The following SLCO1B1 variants were observed in gnomAD, a reference collection of about 807,000 sequenced individuals.
SLCO1B1 encodes solute carrier organic anion transporter family member 1B1, also known as OATP-2.
In SLCO1B1, 81 loss-of-function variants were observed where a neutral mutation model predicts 70.1. The observed-to-expected ratio is 1.16, with a 90% CI of 0.97 to 1.39. SLCO1B1 has a LOEUF of 1.39. Ranked by LOEUF, SLCO1B1 falls within the 40% of genes most tolerant of loss-of-function variation. The probability of loss-of-function intolerance (pLI) is 0.00; values close to 1 mark genes in which losing one functional copy is unlikely to be tolerated. For synonymous variants in SLCO1B1, 283 were observed against 271.5 expected, an observed-to-expected ratio of 1.04 and a Z score of -0.42; for missense variants, 895 against 799.6, an observed-to-expected ratio of 1.12 and a Z score of -1.44.
At chr12:21,143,647 G>T (rs1591797057) in intron 2 of SLCO1B1, among the ~76,000 whole-genome samples, 1 of 151,956 alleles carries the variant, frequency 6.6e-6, no homozygotes, top group Admixed American at 6.6e-5. Flanking sequence ...TTGGTAATTG[G>T]TACACTGAAG....
At chr12:21,217,433 C>A (rs955837460) in intron 12 of SLCO1B1, 130 bp downstream of exon 12, 16 of 797,172 alleles carry the variant, frequency 2.0e-5, no homozygotes, top group African/African-American at 3.5e-5. Context: ...TCTGAGAATT[C>A]ATTTTATTAA....
At chr12:21,156,385 A>G (rs995232778) in intron 2 of SLCO1B1, among the ~76,000 whole-genome samples, 1 of 152,196 alleles carries the variant, frequency 6.6e-6, no homozygotes, top group Non-Finnish European at 1.5e-5. Context: ...ATCTAATGAT[A>G]TAGGCAACTG....
intron 2 of SLCO1B1, among the ~76,000 whole-genome samples, chr12:21,147,595 C>T (rs1940406347): frequency 6.6e-6 from 1 of 152,140 alleles, no homozygotes; most frequent in South Asian, 2.1e-4. Flanking sequence ...ATCCATGTCC[C>T]TGCAAAGGAC....
intron 14 of SLCO1B1, among the ~76,000 whole-genome samples, chr12:21,236,442 G>A (rs150030142): frequency 6.6e-6 from 1 of 152,280 alleles, no homozygotes; most frequent in African/African-American, 2.4e-5. Context: ...CAACAGTATG[G>A]CACATCTTTC....
intron 14 of SLCO1B1, among the ~76,000 whole-genome samples, chr12:21,226,068 A>G (rs1237405736): frequency 1.3e-5 from 2 of 152,232 alleles, no homozygotes; most frequent in Non-Finnish European, 2.9e-5. Context: ...TCAACTCACA[A>G]AAAGACAAGA....
chr12:21,136,470 A>G (rs1264569596), intron 1 of SLCO1B1, among the ~76,000 whole-genome samples: 26 of 152,264 alleles, frequency 1.7e-4, no homozygotes, highest in Admixed American at 5.2e-4. Context: ...AGGTACACCA[A>G]TCAGACGTAG....
rs139797371 is a variant in SLCO1B1, at chr12:21,202,674, T to G, written c.1319T>G (p.Met440Arg). ...CENKSVAGLT[M>R]TYDGNNPVTS... is the part of the protein sequence containing the mutation. ...AACAAATCAGTTGCCGGACTAACCA[T>G]GACCTATGATGGGTTTGTATATATC... The change falls in exon 10 of 15, where the codon ATG becomes AGG. Residue 440 changes from methionine to arginine, a missense_variant. Coordinates refer to ENST00000256958, the MANE Select transcript of SLCO1B1 (RefSeq NM_006446.5). The G allele has an allele frequency of 1.1e-4, 177 of 1,610,950 alleles. No homozygotes were observed. The highest frequency in any genetic ancestry group is 1.5e-4 in the Non-Finnish European group (173 of 1,178,168).
chr12:21,135,082 T>A (rs550048092), intron 1 of SLCO1B1, among the ~76,000 whole-genome samples: 3 of 152,230 alleles, frequency 2.0e-5, no homozygotes, highest in Non-Finnish European at 4.4e-5. Flanking sequence ...TGCCTTCATT[T>A]CATTATGTAC....
At chr12:21,201,995 G>C (rs969275698) in intron 9 of SLCO1B1, among the ~76,000 whole-genome samples, 17 of 152,274 alleles carry the variant, frequency 1.1e-4, no homozygotes, top group African/African-American at 4.1e-4. Flanking sequence ...TAAAGAAAAT[G>C]TGGCACATGT....
intron 2 of SLCO1B1, among the ~76,000 whole-genome samples, chr12:21,164,543 TG>T (rs1351081642): frequency 6.6e-6 from 1 of 152,170 alleles, no homozygotes; most frequent in African/African-American, 2.4e-5. Context: ...TCTTCATGGC[TG>T]CCAGAATTAA....
chr12:21,154,024 T>C (rs541965348), intron 2 of SLCO1B1, among the ~76,000 whole-genome samples: 45 of 152,102 alleles, frequency 3.0e-4, no homozygotes, highest in African/African-American at 9.7e-4. Context: ...TCTACACTTA[T>C]GTTTATTGTA....
intron 2 of SLCO1B1, among the ~76,000 whole-genome samples, chr12:21,159,432 A>G (rs1940584117): frequency 1.3e-5 from 2 of 152,168 alleles, no homozygotes; most frequent in African/African-American, 4.8e-5. Context: ...ATAAAAAGTA[A>G]TTGAAAATAC....
chr12:21,202,500 C>G lies in SLCO1B1; in HGVS notation c.1145C>G (p.Thr382Ser), dbSNP rs778236871. ...TTTCTTTTTTTTCTAGGAGTCATAA[C>G]CATACCTATTTTTGCAAGTGGAATG... is the stretch of plus-strand genomic sequence containing the variant. ...SKANILLGVI[T>S]IPIFASGMFL... is the part of the protein sequence containing the mutation. The change falls in exon 10 of 15, where the codon ACC becomes AGC. Residue 382 changes from threonine (T) to serine (S), a missense_variant. Thr to Ser is a moderately conservative substitution (Grantham distance 58). Coordinates refer to ENST00000256958, the MANE Select transcript of SLCO1B1 (RefSeq NM_006446.5). 3 of 1,602,686 alleles carry G rather than the reference C, an allele frequency of 1.9e-6. No individual in the cohort carries two copies. The highest frequency in any genetic ancestry group is 2.7e-5 in the African/African-American group (2 of 74,244).
chr12:21,158,323 T>A (rs1057287001), intron 2 of SLCO1B1, among the ~76,000 whole-genome samples: 3 of 152,176 alleles, frequency 2.0e-5, no homozygotes, highest in Admixed American at 6.5e-5. Context: ...ATTCAAAAAA[T>A]AATTAATTCA....
intron 2 of SLCO1B1, among the ~76,000 whole-genome samples, chr12:21,161,529 G>A (rs1243990760): frequency 6.6e-6 from 1 of 152,002 alleles, no homozygotes; most frequent in African/African-American, 2.4e-5. Flanking sequence ...GGTGGAGGGT[G>A]GGAAGAGAGA....
intron 14 of SLCO1B1, among the ~76,000 whole-genome samples, chr12:21,237,724 T>C (rs1175668518): frequency 6.6e-6 from 1 of 151,824 alleles, no homozygotes; most frequent in Admixed American, 6.6e-5. Context: ...TAGTAATTTT[T>C]TTTTTTTTGA....
chr12:21,154,177 A>T (rs1302115422), intron 2 of SLCO1B1, among the ~76,000 whole-genome samples: 1 of 152,080 alleles, frequency 6.6e-6, no homozygotes, highest in Non-Finnish European at 1.5e-5. Flanking sequence ...ACATTCTAGC[A>T]TGATTCTATG....
chr12:21,218,336 G>A (rs1052247096), intron 12 of SLCO1B1, among the ~76,000 whole-genome samples: 10 of 152,010 alleles, frequency 6.6e-5, no homozygotes, highest in Non-Finnish European at 1.2e-4. Context: ...GTAAATAATT[G>A]CTTTTAGATC....
chr12:21,202,413 G>T, intron 9 of SLCO1B1, 78 bp from the exon 10 acceptor site: 1 of 900,946 alleles, frequency 1.1e-6, no homozygotes, highest in South Asian at 1.6e-5. Flanking sequence ...AAATTTGATT[G>T]ACATACATTG....
Sources: gnomAD v4.1 joint callset for allele counts (sites outside exome capture counted in the v4.1 genomes callset) on GRCh38, gnomAD v4.1.1 for gene constraint, MANE v1.5 for transcripts, NCBI Gene and HGNC (gene_info 2026-07-23, HGNC 2026-07-21) for gene names.